Variants in RBFOX1 observed in about 807,000 individuals in gnomAD.
The protein encoded by RBFOX1 is RNA binding protein fox-1 homolog 1.
Under a neutral mutation model 57.7 loss-of-function variants are expected in RBFOX1, and 8 were observed. The ratio of observed to expected loss-of-function variants is 0.14; its 90% confidence interval spans 0.08 to 0.25. RBFOX1 has a LOEUF of 0.25. Ranked by LOEUF, RBFOX1 falls within the 10% of genes least tolerant of loss-of-function variation. RBFOX1 has a pLI of 1.00. For missense variants in RBFOX1, 611 were observed against 548.5 expected (o/e 1.11, Z -1.14); for synonymous variants, 326 against 222.4 (o/e 1.47, Z -4.15).
At chr16:5,314,746 C>A (rs1182106510) in intron 1 of RBFOX1, among the ~76,000 whole-genome samples, 2 of 151,690 alleles carry the variant, frequency 1.3e-5, no homozygotes, top group Non-Finnish European at 2.9e-5. Context: ...AGCAATCCTC[C>A]TGCTTTGGCC....
At chr16:6,602,910 T>C (rs2097872386) in intron 2 of RBFOX1, among the ~76,000 whole-genome samples, 1 of 152,162 alleles carries the variant, frequency 6.6e-6, no homozygotes, top group Non-Finnish European at 1.5e-5. Flanking sequence ...TCCCAAATCC[T>C]GTCACTAATA....
At chr16:7,261,794 C>T (rs941057426) in intron 4 of RBFOX1, among the ~76,000 whole-genome samples, 2 of 152,062 alleles carry the variant, frequency 1.3e-5, no homozygotes, top group East Asian at 3.9e-4. Context: ...ACTAAGAATC[C>T]CCTGGAGAGC....
At chr16:6,869,695 C>G (rs551791249) in intron 3 of RBFOX1, among the ~76,000 whole-genome samples, 8 of 152,278 alleles carry the variant, frequency 5.3e-5, no homozygotes, top group South Asian at 2.1e-4. Flanking sequence ...GACACACATT[C>G]ATGCAGTTGG....
intron 3 of RBFOX1, among the ~76,000 whole-genome samples, chr16:5,729,969 C>T (rs1299603041): frequency 6.6e-6 from 1 of 152,186 alleles, no homozygotes; most frequent in Non-Finnish European, 1.5e-5. Context: ...CTTTGGAGAA[C>T]CACTGTGCTT....
intron 1 of RBFOX1, among the ~76,000 whole-genome samples, chr16:5,440,535 A>G (rs2068052757): frequency 6.6e-6 from 1 of 152,304 alleles, no homozygotes; most frequent in East Asian, 1.9e-4. Context: ...TAATTTTTCC[A>G]GGAGAATTTC....
At chr16:6,573,345 C>T (rs916323436) in intron 2 of RBFOX1, among the ~76,000 whole-genome samples, 1 of 152,162 alleles carries the variant, frequency 6.6e-6, no homozygotes, top group Non-Finnish European at 1.5e-5. Flanking sequence ...CTTTCTCCTG[C>T]CCCGGACTGT....
chr16:7,282,668 G>A (rs946316191), intron 4 of RBFOX1, among the ~76,000 whole-genome samples: 17 of 151,932 alleles, frequency 1.1e-4, no homozygotes, highest in Admixed American at 7.9e-4. Context: ...TGAGATTTGG[G>A]TGCACCCATC....
In RBFOX1 at chr16:6,990,358, C is replaced by T. The variant is rs574009037; in HGVS notation, c.-15-61699C>T. 2.6e-4 allele frequency among the ~76,000 whole-genome samples: 39 copies of T among 152,166 alleles called. No individual in the cohort carries two copies. The South Asian group carries it at 4.6e-3, about 18-fold the overall frequency. ...TGGCCAACATGGTGAAACCCCATTT[C>T]TACTAAAAATACAAAAGTTAGCCGG... On this transcript the variant is annotated intron_variant, in intron 3 of 15. Transcript: ENST00000550418.
At chr16:5,801,306 A>G (rs1202229295) in intron 3 of RBFOX1, among the ~76,000 whole-genome samples, 1 of 127,276 alleles carries the variant, frequency 7.9e-6, no homozygotes, top group African/African-American at 2.6e-5. Context: ...TGCAGATTTT[A>G]AAGTCTCTAT....
At chr16:6,888,877 C>T (rs1042999026) in intron 3 of RBFOX1, among the ~76,000 whole-genome samples, 1 of 152,074 alleles carries the variant, frequency 6.6e-6, no homozygotes, top group African/African-American at 2.4e-5. Flanking sequence ...CCCCTCCTCC[C>T]CAAAAAAGAA....
intron 3 of RBFOX1, among the ~76,000 whole-genome samples, chr16:6,922,720 A>C (rs1401802775): frequency 6.6e-6 from 1 of 152,158 alleles, no homozygotes; most frequent in Non-Finnish European, 1.5e-5. Flanking sequence ...CAAAAACTGG[A>C]AAGCCTTCTG....
chr16:7,218,822 C>G (rs1307292375), intron 4 of RBFOX1, among the ~76,000 whole-genome samples: 1 of 151,746 alleles, frequency 6.6e-6, no homozygotes, highest in South Asian at 2.1e-4. Flanking sequence ...CTAGAAGTAT[C>G]AGAAGTTGCT....
chr16:6,616,119 T>C (rs1275229726), intron 2 of RBFOX1, among the ~76,000 whole-genome samples: 1 of 152,184 alleles, frequency 6.6e-6, no homozygotes, highest in Admixed American at 6.5e-5. Flanking sequence ...GAAGAATCTT[T>C]TATAGGAAGT....
chr16:6,628,051 G>T (rs1345533109), intron 2 of RBFOX1, among the ~76,000 whole-genome samples: 1 of 152,202 alleles, frequency 6.6e-6, no homozygotes, highest in Non-Finnish European at 1.5e-5. Context: ...GGGTCACTGA[G>T]CGTGAATGTC....
intron 2 of RBFOX1, among the ~76,000 whole-genome samples, chr16:6,362,171 AC>A (rs2088671165): frequency 6.8e-6 from 1 of 147,770 alleles, no homozygotes; most frequent in Non-Finnish European, 1.5e-5. Context: ...AGTCCTGCCC[AC>A]CCCACGCCCC....
At chr16:5,429,161 G>A (rs1009978572) in intron 1 of RBFOX1, among the ~76,000 whole-genome samples, 18 of 152,104 alleles carry the variant, frequency 1.2e-4, no homozygotes, top group Non-Finnish European at 2.4e-4. Context: ...TTTTCACTCT[G>A]TTAAGTCCCT....
intron 13 of RBFOX1, among the ~76,000 whole-genome samples, chr16:7,672,742 C>T (rs2146190431): frequency 6.6e-6 from 1 of 151,796 alleles, no homozygotes; most frequent in East Asian, 1.9e-4. Flanking sequence ...TGGCACATGC[C>T]TGCAGTCCCA....
chr16:6,808,160 A>ATGTGTGTGTGTGTG (rs373756020), intron 3 of RBFOX1, among the ~76,000 whole-genome samples: 112 of 140,118 alleles, frequency 8.0e-4, no homozygotes, highest in African/African-American at 2.8e-3. Context: ...TACCTTATAT[A>ATGTGTGTGTGTGTG]TGTGTGTGTG....
chr16:7,381,768 T>C (rs1478022757), intron 4 of RBFOX1, among the ~76,000 whole-genome samples: 1 of 152,196 alleles, frequency 6.6e-6, no homozygotes, highest in Non-Finnish European at 1.5e-5. Flanking sequence ...ATACTGAATT[T>C]ACTGTTTATA....
Sources: allele counts gnomAD v4.1 joint callset (sites outside exome capture counted in the v4.1 genomes callset), GRCh38; gene constraint gnomAD v4.1.1; transcripts MANE v1.5; gene names NCBI Gene and HGNC (gene_info 2026-07-23, HGNC 2026-07-21).